ERC2: variants seen among roughly 807,000 people sequenced by gnomAD.
The protein encoded by ERC2 is ERC protein 2.
Under a neutral mutation model 114.8 loss-of-function variants are expected in ERC2, and 42 were observed. That is an observed-to-expected ratio of 0.37 (90% CI 0.29 to 0.47). The LOEUF (loss-of-function observed/expected upper bound fraction) is 0.47. Ranked by LOEUF, ERC2 falls within the 20% of genes least tolerant of loss-of-function variation. ERC2 has a pLI of 0.99. For missense variants in ERC2, 939 were observed against 1,150.7 expected (o/e 0.82, Z 2.66); for synonymous variants, 454 against 425.5 (o/e 1.07, Z -0.82).
intron 17 of ERC2, among the ~76,000 whole-genome samples, chr3:55,531,709 C>G (rs995025717): frequency 1.3e-5 from 2 of 152,214 alleles, no homozygotes; most frequent in Non-Finnish European, 2.9e-5. Context: ...CTCAGCCAGG[C>G]CCAGGATTTC....
rs577943182 is a variant in ERC2, at chr3:56,444,466, C to T, written c.-140-9319G>A. Among the ~76,000 whole-genome samples the T allele has an allele frequency of 1.1e-4, 17 of 152,226 alleles. No homozygotes were observed. In the South Asian group the frequency reaches 2.1e-3, roughly 19 times the overall value. Reference sequence around the variant, plus strand: ...AAATTCAAAGTCCAAGGGTAAGTTCCGCTTATGGCTCAAACAAAATAAAAT... The same window carrying T: ...AAATTCAAAGTCCAAGGGTAAGTTCTGCTTATGGCTCAAACAAAATAAAAT... On this transcript the variant is annotated intron_variant, in intron 1 of 17. Coordinates refer to ENST00000288221, the MANE Select transcript of ERC2 (RefSeq NM_015576.3).
At chr3:55,514,853 A>C (rs756437929) in intron 17 of ERC2, among the ~76,000 whole-genome samples, 7 of 152,166 alleles carry the variant, frequency 4.6e-5, no homozygotes, top group Non-Finnish European at 2.9e-5. Context: ...TATGCACAAA[A>C]CTGTAAGCTA....
intron 17 of ERC2, among the ~76,000 whole-genome samples, chr3:55,638,266 A>T (rs2148647082): frequency 6.6e-6 from 1 of 152,350 alleles, no homozygotes; most frequent in East Asian, 1.9e-4. Context: ...TGTGAGAATT[A>T]ACCCCATTTG....
At chr3:56,259,304 T>C (rs993491118) in intron 3 of ERC2, among the ~76,000 whole-genome samples, 1 of 152,156 alleles carries the variant, frequency 6.6e-6, no homozygotes, top group African/African-American at 2.4e-5. Flanking sequence ...TAAATCATGA[T>C]CATCTCAAAT....
At chr3:56,431,000 A>G in intron 2 of ERC2, among the ~76,000 whole-genome samples, 1 of 151,970 alleles carries the variant, frequency 6.6e-6, no homozygotes, top group Non-Finnish European at 1.5e-5. Flanking sequence ...CTGCTTACCA[A>G]CTGTGTGAAC....
At chr3:55,742,175 T>C (rs1177124794) in intron 14 of ERC2, among the ~76,000 whole-genome samples, 1 of 152,006 alleles carries the variant, frequency 6.6e-6, no homozygotes, top group Non-Finnish European at 1.5e-5. Flanking sequence ...AAATGCCTTC[T>C]TTTGAGTGTC....
At chr3:56,267,645 G>A (rs1289503479) in intron 3 of ERC2, among the ~76,000 whole-genome samples, 1 of 151,956 alleles carries the variant, frequency 6.6e-6, no homozygotes, top group Non-Finnish European at 1.5e-5. Context: ...TGGGTGTGGT[G>A]GCAGGCACCT....
chr3:55,903,843 T>C (rs1260463610), intron 13 of ERC2, among the ~76,000 whole-genome samples: 1 of 152,198 alleles, frequency 6.6e-6, no homozygotes, highest in Non-Finnish European at 1.5e-5. Flanking sequence ...TAGCACTATG[T>C]ATAAAAGGTG....
intron 13 of ERC2, among the ~76,000 whole-genome samples, chr3:55,948,819 C>T (rs1221842445): frequency 2.0e-5 from 3 of 152,188 alleles, no homozygotes; most frequent in East Asian, 1.9e-4. Flanking sequence ...CAGATTAGAA[C>T]TGTAGAAATA....
intron 17 of ERC2, among the ~76,000 whole-genome samples, chr3:55,637,589 C>A (rs1172706788): frequency 6.6e-6 from 1 of 152,146 alleles, no homozygotes; most frequent in South Asian, 2.1e-4. Flanking sequence ...AGTCTCTGCC[C>A]CTGGGTGCAA....
intron 2 of ERC2, among the ~76,000 whole-genome samples, chr3:56,375,650 C>T (rs1294776948): frequency 6.6e-6 from 1 of 152,090 alleles, no homozygotes; most frequent in African/African-American, 2.4e-5. Flanking sequence ...TATAGAAATA[C>T]TAGAGGGAGA....
chr3:55,758,935 A>C (rs975463765), intron 14 of ERC2, among the ~76,000 whole-genome samples: 5 of 152,218 alleles, frequency 3.3e-5, no homozygotes, highest in African/African-American at 4.8e-5. Context: ...TGCTAAGGTG[A>C]GGGTTAACCG....
chr3:55,935,608 G>A (rs916770522), intron 13 of ERC2, among the ~76,000 whole-genome samples: 1 of 152,172 alleles, frequency 6.6e-6, no homozygotes, highest in African/African-American at 2.4e-5. Flanking sequence ...ACCAAAGTAT[G>A]AAGAAAAAGT....
At chr3:55,999,386 C>T (rs905437315) in intron 10 of ERC2, among the ~76,000 whole-genome samples, 3 of 152,040 alleles carry the variant, frequency 2.0e-5, no homozygotes, top group Non-Finnish European at 4.4e-5. Flanking sequence ...GTAAAAGGTT[C>T]CTTTCGACCC....
At chr3:56,443,899 T>A (rs1035722206) in intron 1 of ERC2, among the ~76,000 whole-genome samples, 1 of 151,108 alleles carries the variant, frequency 6.6e-6, no homozygotes, top group African/African-American at 2.4e-5. Context: ...ATACTTATTA[T>A]GAAGCCAAGA....
At chr3:56,333,945 A>G (rs2057743207) in intron 2 of ERC2, among the ~76,000 whole-genome samples, 1 of 152,176 alleles carries the variant, frequency 6.6e-6, no homozygotes, top group Non-Finnish European at 1.5e-5. Flanking sequence ...CTCCCACTGT[A>G]TTTTATGCCT....
chr3:56,274,515 A>G (rs991154003), intron 3 of ERC2, among the ~76,000 whole-genome samples: 10 of 24,516 alleles, frequency 4.1e-4, no homozygotes, highest in African/African-American at 7.7e-4. Flanking sequence ...CATTTGGTTG[A>G]AAAAAAAAAT....
intron 1 of ERC2, among the ~76,000 whole-genome samples, chr3:56,465,193 G>A (rs564070586): frequency 7.9e-4 from 120 of 152,326 alleles, no homozygotes; most frequent in African/African-American, 2.8e-3. Context: ...GAGGTCAGGA[G>A]TTCAAGACCA....
chr3:56,406,776 T>G (rs554882718), intron 2 of ERC2, among the ~76,000 whole-genome samples: 1 of 152,032 alleles, frequency 6.6e-6, no homozygotes, highest in African/African-American at 2.4e-5. Context: ...TCAAACTCAA[T>G]CTCAATAAAT....
Sources: gnomAD v4.1 joint callset for allele counts (sites outside exome capture counted in the v4.1 genomes callset) on GRCh38, gnomAD v4.1.1 for gene constraint, MANE v1.5 for transcripts, NCBI Gene and HGNC (gene_info 2026-07-23, HGNC 2026-07-21) for gene names.